CSMD3: variants seen among roughly 807,000 people sequenced by gnomAD.
CSMD3 encodes CUB and sushi domain-containing protein 3.
CSMD3 carries 177 observed loss-of-function variants against 435.2 expected under a neutral mutation model. That is an observed-to-expected ratio of 0.41 (90% CI 0.36 to 0.46). The LOEUF (loss-of-function observed/expected upper bound fraction) is 0.46, where lower values mean the gene tolerates loss of function less well. Ranked by LOEUF, CSMD3 falls within the 20% of genes least tolerant of loss-of-function variation. CSMD3 has a pLI of 0.34. For synonymous variants in CSMD3, 1,656 were observed against 1,520.5 expected (o/e 1.09, Z -2.07); for missense variants, 4,265 against 4,504.6 (o/e 0.95, Z 1.52).
chr8:112,594,275 G>A (rs1389953831), intron 22 of CSMD3, among the ~76,000 whole-genome samples: 8 of 152,160 alleles, frequency 5.3e-5, no homozygotes, highest in Non-Finnish European at 1.0e-4. Context: ...CTGGAAAATC[G>A]GGTCACTCCC....
chr8:112,654,493 G>A (rs2075208081), intron 18 of CSMD3, among the ~76,000 whole-genome samples: 1 of 152,192 alleles, frequency 6.6e-6, no homozygotes, highest in Admixed American at 6.5e-5. Context: ...CAACCTCAAT[G>A]TTTGTCAGCT....
intron 2 of CSMD3, among the ~76,000 whole-genome samples, chr8:113,305,776 G>T (rs982726028): frequency 6.6e-6 from 1 of 152,172 alleles, no homozygotes; most frequent in African/African-American, 2.4e-5. Context: ...ATGCTCCAAA[G>T]TAAGTAATGA....
intron 6 of CSMD3, among the ~76,000 whole-genome samples, chr8:113,008,569 A>G (rs755438383): frequency 2.2e-4 from 34 of 151,634 alleles, no homozygotes; most frequent in Non-Finnish European, 1.6e-4. Context: ...TCTTAATTTT[A>G]ATTTAGAAAC....
rs150418052 is a variant in CSMD3 at position 112,864,932 on chromosome 8, C to A, written c.1634-5666G>T. The stretch of plus-strand genomic sequence containing the variant: ...TTTGCTTATTTCATTCACATGCCAC[C>A]TGTGTTTTTATAAAGGAAGATTAAA... On this transcript the variant is annotated intron_variant, in intron 10 of 70. Transcript: ENST00000297405. 5.6e-3 allele frequency among the ~76,000 whole-genome samples: 847 copies of A among 152,166 alleles called. 4 individuals carry two copies. The highest frequency in any genetic ancestry group is 0.019 in the African/African-American group (793 of 41,504).
chr8:112,706,900 T>C (rs2076509862), intron 13 of CSMD3, among the ~76,000 whole-genome samples: 1 of 152,120 alleles, frequency 6.6e-6, no homozygotes, highest in African/African-American at 2.4e-5. Context: ...CATTTCTTTT[T>C]ATAAAAAGAT....
At chr8:112,805,977 C>A (rs1326328076) in intron 12 of CSMD3, among the ~76,000 whole-genome samples, 8 of 152,066 alleles carry the variant, frequency 5.3e-5, no homozygotes, top group African/African-American at 9.7e-5. Context: ...TCCCCCTTCA[C>A]AAGGGCATAA....
intron 5 of CSMD3, among the ~76,000 whole-genome samples, chr8:113,022,409 G>C (rs528953527): frequency 6.6e-6 from 1 of 151,882 alleles, no homozygotes; most frequent in Admixed American, 6.6e-5. Context: ...CAATGGTAAA[G>C]GTTGGAAATA....
At chr8:112,756,505 T>A (rs1452669537) in intron 13 of CSMD3, among the ~76,000 whole-genome samples, 2 of 152,190 alleles carry the variant, frequency 1.3e-5, no homozygotes, top group African/African-American at 4.8e-5. Flanking sequence ...TTTCACTAAA[T>A]CTGCTTTAAT....
At chr8:112,408,284 C>T (rs761599609) in intron 34 of CSMD3, 34 bp downstream of exon 34, 1 of 1,218,904 alleles carries the variant, frequency 8.2e-7, no homozygotes, top group South Asian at 1.2e-5. Context: ...TTATATCATT[C>T]CTTAGTGTGT....
At position 112,441,191 on chromosome 8, in the gene CSMD3, AGG is replaced by A. The variant is rs1814973032; in HGVS notation, c.5395+31398_5395+31399del. Among the ~76,000 whole-genome samples the A allele has an allele frequency of 7.9e-5, 12 of 152,204 alleles. No homozygotes were observed. The South Asian group carries it at 2.5e-3, about 32-fold the overall frequency. On this transcript the variant is annotated intron_variant, in intron 32 of 70. Coordinates refer to ENST00000297405, the MANE Select transcript of CSMD3 (RefSeq NM_198123.2). ...TCAAAGTTCCACAGATCTCTAGGGC[AGG>A]GGTAAAATGCCACCAGTCTCTTTGA...
intron 13 of CSMD3, among the ~76,000 whole-genome samples, chr8:112,712,222 C>T (rs1013665007): frequency 3.9e-5 from 6 of 152,086 alleles, no homozygotes; most frequent in Non-Finnish European, 7.4e-5. Flanking sequence ...GCAGGATCCT[C>T]AAGGAAATGT....
intron 12 of CSMD3, among the ~76,000 whole-genome samples, chr8:112,814,778 T>C (rs924255861): frequency 6.7e-6 from 1 of 149,552 alleles, no homozygotes; most frequent in Non-Finnish European, 1.5e-5. Flanking sequence ...CAAGACTCCA[T>C]CTCAAAAAAA....
chr8:113,393,890 GA>G (rs34747781), intron 1 of CSMD3, among the ~76,000 whole-genome samples: 14 of 151,336 alleles, frequency 9.3e-5, no homozygotes, highest in African/African-American at 2.9e-4. Context: ...GTATCTATGT[GA>G]AAAAAAGAGA....
chr8:112,226,908 A>G lies in CSMD3; in HGVS notation c.10964+1848T>C, dbSNP rs1484080184. 2.0e-5 allele frequency among the ~76,000 whole-genome samples: 3 copies of G among 152,150 alleles called. No individual in the cohort carries two copies. In the East Asian group the frequency reaches 5.8e-4, roughly 29 times the overall value. ...AAAAAACAAAAGACAAAGCCCCCCA[A>G]ACCTGGAAAATAACAAGTGTTGGTT... is the stretch of plus-strand genomic sequence containing the variant. On this transcript the variant is annotated intron_variant, in intron 70 of 70. Transcript: ENST00000297405.
chr8:112,421,414 C>T (rs6469416), intron 32 of CSMD3, among the ~76,000 whole-genome samples: 66,941 of 150,966 alleles, frequency 0.44, 15,516 homozygotes, highest in Middle Eastern at 0.61. Context: ...AGTGGTGGCA[C>T]GTGCCTGTAG....
intron 3 of CSMD3, among the ~76,000 whole-genome samples, chr8:113,198,432 T>C (rs2092683128): frequency 6.6e-6 from 1 of 151,304 alleles, no homozygotes; most frequent in Non-Finnish European, 1.5e-5. Flanking sequence ...TGGGTGACCT[T>C]CAGCAAGATT....
At position 112,753,345 on chromosome 8, in the gene CSMD3, C is replaced by T. The variant is rs374837729; in HGVS notation, c.1972+46817G>A. Among the ~76,000 whole-genome samples, 3 of 152,014 alleles carry T rather than the reference C, an allele frequency of 2.0e-5. No homozygotes were observed. The East Asian group carries it at 5.8e-4, about 29-fold the overall frequency. ...TTGTATAATGCATCTATTGCTTTTACAACTAAAATAATTCATTTTTTATAA... is the reference window on the plus strand; with the variant it reads ...TTGTATAATGCATCTATTGCTTTTATAACTAAAATAATTCATTTTTTATAA... On this transcript the variant is annotated intron_variant, in intron 13 of 70. Coordinates refer to ENST00000297405, the MANE Select transcript of CSMD3 (RefSeq NM_198123.2).
chr8:112,686,402 A>G (rs1384703394), intron 14 of CSMD3, among the ~76,000 whole-genome samples: 1 of 152,196 alleles, frequency 6.6e-6, no homozygotes, highest in Non-Finnish European at 1.5e-5. Context: ...AGGAAAAATA[A>G]AGAAACAGAA....
At chr8:112,413,653 G>A (rs1811595220) in intron 32 of CSMD3, among the ~76,000 whole-genome samples, 1 of 152,116 alleles carries the variant, frequency 6.6e-6, no homozygotes, top group South Asian at 2.1e-4. Flanking sequence ...CACTAAAATG[G>A]GTTAGTGCTC....
Sources: allele counts gnomAD v4.1 joint callset (sites outside exome capture counted in the v4.1 genomes callset), GRCh38; gene constraint gnomAD v4.1.1; transcripts MANE v1.5; gene names NCBI Gene and HGNC (gene_info 2026-07-23, HGNC 2026-07-21).